FGGY: variants seen among roughly 807,000 people sequenced by gnomAD.
The protein encoded by FGGY is FGGY carbohydrate kinase domain containing.
In FGGY, 72 loss-of-function variants were observed where a neutral mutation model predicts 71.3. The ratio of observed to expected loss-of-function variants is 1.01; its 90% confidence interval spans 0.84 to 1.23. The LOEUF is 1.23. Ranked by LOEUF, FGGY falls within the 50% of genes most tolerant of loss-of-function variation. The probability of loss-of-function intolerance (pLI) is 0.00; values close to 1 mark genes in which losing one functional copy is unlikely to be tolerated. For synonymous variants in FGGY, 251 were observed against 250.3 expected, an observed-to-expected ratio of 1.00 and a Z score of -0.02; for missense variants, 668 against 682.3, an observed-to-expected ratio of 0.98 and a Z score of 0.23.
intron 3 of FGGY, among the ~76,000 whole-genome samples, chr1:59,341,387 C>G (rs747309943): frequency 1.4e-4 from 21 of 152,292 alleles, no homozygotes; most frequent in Non-Finnish European, 2.4e-4. Flanking sequence ...AAATGATCAT[C>G]TATTTGCATC....
intron 7 of FGGY, among the ~76,000 whole-genome samples, chr1:59,550,739 A>C (rs1252955505): frequency 6.6e-6 from 1 of 152,160 alleles, no homozygotes; most frequent in Non-Finnish European, 1.5e-5. Flanking sequence ...ACTGAGTTTC[A>C]TGGTGAACTA....
At chr1:59,675,793 C>T (rs1273975231) in intron 14 of FGGY, among the ~76,000 whole-genome samples, 2 of 152,126 alleles carry the variant, frequency 1.3e-5, no homozygotes, top group African/African-American at 4.8e-5. Flanking sequence ...AGAGGTTACC[C>T]TGTGTTGTGA....
At chr1:59,720,409 G>T (rs1391760888) in intron 14 of FGGY, among the ~76,000 whole-genome samples, 1 of 152,214 alleles carries the variant, frequency 6.6e-6, no homozygotes, top group Non-Finnish European at 1.5e-5. Flanking sequence ...AGACTCGGTT[G>T]TGCCTACATG....
At chr1:59,655,199 T>A (rs574417896) in intron 11 of FGGY, among the ~76,000 whole-genome samples, 1 of 152,294 alleles carries the variant, frequency 6.6e-6, no homozygotes, top group South Asian at 2.1e-4. Context: ...GAGCCTTTCA[T>A]GCAATTCGAG....
At chr1:59,326,722 G>T (rs71646034) in intron 2 of FGGY, among the ~76,000 whole-genome samples, 5 of 148,810 alleles carry the variant, frequency 3.4e-5, no homozygotes, top group African/African-American at 9.9e-5. Flanking sequence ...CATTTGAAGT[G>T]TTTTTTTTTT....
Position 59,317,076 on chromosome 1 carries a change from C to A in FGGY, c.-14-4460C>A, listed in dbSNP as rs550334320. On this transcript the variant is annotated intron_variant, in intron 1 of 15. Coordinates refer to ENST00000303721, the MANE Select transcript of FGGY (RefSeq NM_018291.5). ...AACAGCTTCCTGTCTGAGAACCTCA[C>A]TTTCCTTAGCTGGGAAATGGGGCTC... Among the ~76,000 whole-genome samples the A allele has an allele frequency of 1.3e-3, 202 of 152,344 alleles. 1 individual carries two copies. Among genetic ancestry groups the A allele is most frequent in the African/African-American group, 4.7e-3 (195 of 41,576 alleles).
At chr1:59,653,244 T>A (rs372660013) in intron 11 of FGGY, among the ~76,000 whole-genome samples, 22 of 152,364 alleles carry the variant, frequency 1.4e-4, no homozygotes, top group Non-Finnish European at 2.5e-4. Flanking sequence ...GAGCCTACAG[T>A]GGCAGGCAGG....
Position 59,592,694 on chromosome 1 carries a change from C to T in FGGY, c.904-15109C>T, listed in dbSNP as rs140577110. Among the ~76,000 whole-genome samples the T allele has an allele frequency of 6.5e-3, 972 of 149,466 alleles. 7 individuals are homozygous for T. The highest frequency in any genetic ancestry group is 0.011 in the Non-Finnish European group (714 of 67,770). On this transcript the variant is annotated intron_variant, in intron 8 of 15. Coordinates refer to ENST00000303721, the MANE Select transcript of FGGY (RefSeq NM_018291.5). ...GTAAACTATAGCAAGAACAAAAGAC[C>T]AAACACCGCATATTCTCACTCATAG...
intron 5 of FGGY, among the ~76,000 whole-genome samples, chr1:59,451,628 A>T (rs2072754917): frequency 6.6e-6 from 1 of 152,040 alleles, no homozygotes; most frequent in Admixed American, 6.5e-5. Context: ...TTTCCACCAT[A>T]TTGAGAAAGC....
chr1:59,730,833 G>C (rs2098018019), intron 14 of FGGY, among the ~76,000 whole-genome samples: 1 of 152,198 alleles, frequency 6.6e-6, no homozygotes, highest in African/African-American at 2.4e-5. Flanking sequence ...GTATAGTGGA[G>C]AGGGACCCAG....
intron 6 of FGGY, among the ~76,000 whole-genome samples, chr1:59,465,484 A>T (rs946886021): frequency 6.6e-6 from 1 of 152,192 alleles, no homozygotes; most frequent in Non-Finnish European, 1.5e-5. Flanking sequence ...CCTATTCAAC[A>T]TAGTGTTGGA....
At chr1:59,353,835 C>T (rs565071626) in intron 4 of FGGY, among the ~76,000 whole-genome samples, 2 of 152,090 alleles carry the variant, frequency 1.3e-5, no homozygotes, top group Non-Finnish European at 2.9e-5. Flanking sequence ...CATCTGCTAC[C>T]TTATGGGAAC....
At chr1:59,615,071 T>A (rs1320037844) in intron 9 of FGGY, among the ~76,000 whole-genome samples, 1 of 152,190 alleles carries the variant, frequency 6.6e-6, no homozygotes, top group African/African-American at 2.4e-5. Context: ...ATGGCCACAC[T>A]GCCCAAGGTA....
chr1:59,442,667 T>C (rs1275894656), intron 5 of FGGY, among the ~76,000 whole-genome samples: 5 of 152,192 alleles, frequency 3.3e-5, no homozygotes, highest in Admixed American at 1.3e-4. Flanking sequence ...GAGAGGTATG[T>C]GAGTAGGCCG....
chr1:59,664,348 C>T (rs199767629), intron 12 of FGGY, among the ~76,000 whole-genome samples: 4 of 152,176 alleles, frequency 2.6e-5, no homozygotes, highest in Admixed American at 1.3e-4. Context: ...TCTAAGGAAC[C>T]GCCAGACTGA....
chr1:59,596,461 CA>C (rs751001525), intron 8 of FGGY, among the ~76,000 whole-genome samples: 2,434 of 126,420 alleles, frequency 0.019, 53 homozygotes, highest in African/African-American at 0.056. Context: ...TTTTTTTCTC[CA>C]AAAAAAAAAA....
intron 1 of FGGY, among the ~76,000 whole-genome samples, chr1:59,313,587 C>T (rs563007851): frequency 8.6e-5 from 13 of 151,972 alleles, no homozygotes; most frequent in South Asian, 6.3e-4. Context: ...CACACACGCA[C>T]GCACACACAC....
At chr1:59,468,448 C>A (rs930356143) in intron 6 of FGGY, among the ~76,000 whole-genome samples, 1 of 152,184 alleles carries the variant, frequency 6.6e-6, no homozygotes, top group Non-Finnish European at 1.5e-5. Context: ...TCACAGACTC[C>A]TTCACAGAAG....
intron 6 of FGGY, among the ~76,000 whole-genome samples, chr1:59,465,484 A>G (rs946886021): frequency 1.3e-5 from 2 of 152,192 alleles, no homozygotes; most frequent in East Asian, 3.9e-4. Flanking sequence ...CCTATTCAAC[A>G]TAGTGTTGGA....
Sources: allele counts gnomAD v4.1 joint callset (sites outside exome capture counted in the v4.1 genomes callset), GRCh38; gene constraint gnomAD v4.1.1; transcripts MANE v1.5; gene names NCBI Gene and HGNC (gene_info 2026-07-23, HGNC 2026-07-21).